Variants in FRK observed in about 807,000 individuals in gnomAD.
FRK encodes the protein tyrosine-protein kinase FRK.
FRK carries 51 observed loss-of-function variants against 56.4 expected under a neutral mutation model. The observed-to-expected ratio is 0.90, with a 90% confidence interval of 0.72 to 1.14. FRK has a LOEUF of 1.14. Ranked by LOEUF, FRK falls within the 50% of genes most tolerant of loss-of-function variation. The probability of loss-of-function intolerance (pLI) is 0.00; values close to 1 mark genes in which losing one functional copy is unlikely to be tolerated. For missense variants in FRK, 570 were observed against 601.4 expected (o/e 0.95, Z 0.55); for synonymous variants, 245 against 217.9 (o/e 1.12, Z -1.10).
intron 2 of FRK, among the ~76,000 whole-genome samples, chr6:115,996,637 T>A (rs903804582): frequency 3.9e-5 from 6 of 152,208 alleles, no homozygotes; most frequent in African/African-American, 1.4e-4. Context: ...AGTGACAATG[T>A]CCTTGATTAT....
intron 1 of FRK, among the ~76,000 whole-genome samples, chr6:116,049,203 G>T (rs1033972442): frequency 6.6e-6 from 1 of 151,910 alleles, no homozygotes; most frequent in Non-Finnish European, 1.5e-5. Flanking sequence ...TCCAAAACTT[G>T]TTCCTGGCTA....
intron 4 of FRK, among the ~76,000 whole-genome samples, chr6:115,956,950 C>G (rs1010864326): frequency 1.3e-5 from 2 of 152,156 alleles, no homozygotes; most frequent in African/African-American, 2.4e-5. Context: ...TCTATGAACA[C>G]GAGCGCTGAA....
chr6:116,082,987 G>C, the FRK span, among the ~76,000 whole-genome samples: 1 of 152,140 alleles, frequency 6.6e-6, no homozygotes, highest in South Asian at 2.1e-4. Context: ...AGAAGATGAG[G>C]AAGTTCAAGG....
intron 1 of FRK, chr6:116,038,844 C>T (rs542247211): frequency 2.7e-5 from 14 of 527,944 alleles, no homozygotes; most frequent in Admixed American, 1.1e-4. Flanking sequence ...ACTCTGAAGG[C>T]GGCCAAGGTG....
At chr6:116,100,606 A>C in the FRK span, among the ~76,000 whole-genome samples, 1 of 152,158 alleles carries the variant, frequency 6.6e-6, no homozygotes, top group African/African-American at 2.4e-5. Context: ...CAGCAGCGGC[A>C]CCGCTCCTGG....
chr6:116,059,985 T>C lies in FRK; in HGVS notation c.327A>G (p.Arg109=). ...YIPSNYVAED[R]SLQAEPWFFG... is the part of the protein sequence containing the mutation. ...CTACTCACGGCTCTGCCTGTAGGCT[T>C]CTGTCCTCAGCCACGTAGTTAGAAG... The change falls in exon 1 of 8, where the codon AGA becomes AGG. Residue 109 remains arginine (R), a synonymous_variant. Coordinates refer to ENST00000606080, the MANE Select transcript of FRK (RefSeq NM_002031.3). 6.2e-7 allele frequency: 1 copy of C among 1,614,076 alleles called. No individual in the cohort carries two copies. Among genetic ancestry groups the C allele is most frequent in the East Asian group, 2.2e-5 (1 of 44,890 alleles).
chr6:116,060,909 T>C (rs1481684661), upstream of FRK, among the ~76,000 whole-genome samples: 1 of 152,182 alleles, frequency 6.6e-6, no homozygotes, highest in African/African-American at 2.4e-5. Context: ...TCCCCTTACT[T>C]CCTGGTTTCT....
rs141331578 is a variant in FRK, at chr6:116,006,430, G to C, written c.345-2432C>G. Among the ~76,000 whole-genome samples the C allele has an allele frequency of 4.6e-3, 696 of 152,306 alleles. 10 individuals are homozygous for C. Among genetic ancestry groups the C allele is most frequent in the African/African-American group, 0.016 (678 of 41,560 alleles). ...GAGCTTTTATACAGTACTAGTGGTA[G>C]TACGATTTGGTACAACTAATTTAAG... On this transcript the variant is annotated intron_variant, in intron 1 of 7. Coordinates refer to ENST00000606080, the MANE Select transcript of FRK (RefSeq NM_002031.3).
chr6:115,967,716 G>A lies in FRK; in HGVS notation c.634C>T (p.Gln212Ter), dbSNP rs1773642135. 3 of 1,589,092 alleles carry A rather than the reference G, an allele frequency of 1.9e-6. No individual in the cohort carries two copies. The highest frequency in any genetic ancestry group is 2.6e-6 in the Non-Finnish European group (3 of 1,166,426). Residue 212 changes from glutamine to a stop codon, truncating the protein, a stop_gained, in exon 4 of 8, where the codon CAG becomes TAG. Coordinates refer to ENST00000606080, the MANE Select transcript of FRK (RefSeq NM_002031.3). LOFTEE classifies it high-confidence loss of function. ...VKLGKPCLKIQVPAPFDLSYK... is the reference protein window; with the variant it reads ...VKLGKPCLKI Reference sequence around the variant, plus strand: ...GACAAATCAAATGGAGCTGGGACCTGGATCTGTTTCATAGAATAATAAGAG... The same window carrying A: ...GACAAATCAAATGGAGCTGGGACCTAGATCTGTTTCATAGAATAATAAGAG...
intron 2 of FRK, among the ~76,000 whole-genome samples, chr6:115,975,807 G>T (rs499921): frequency 0.72 from 109,769 of 152,042 alleles, 39,938 homozygotes; most frequent in South Asian, 0.89. Context: ...CATGTTGTTT[G>T]ACCTAGGGAG....
At chr6:116,026,510 AGGAG>A (rs1224007465) in intron 1 of FRK, among the ~76,000 whole-genome samples, 10 of 82,512 alleles carry the variant, frequency 1.2e-4, no homozygotes, top group South Asian at 5.0e-4. Context: ...GAAGGAAGGA[AGGAG>A]GGAGGGAGGG....
At chr6:116,098,699 CA>C in the FRK span, among the ~76,000 whole-genome samples, 1 of 152,122 alleles carries the variant, frequency 6.6e-6, no homozygotes, top group South Asian at 2.1e-4. Flanking sequence ...GTTGATAATA[CA>C]AGAGCTGTGG....
intron 4 of FRK, 23 bp from the exon 5 acceptor site, chr6:115,956,633 T>A: frequency 6.7e-7 from 1 of 1,499,282 alleles, no homozygotes; most frequent in Non-Finnish European, 8.9e-7. Context: ...GAGGGAGAAA[T>A]CACTTTATGT....
At chr6:116,032,750 T>C (rs1360193337) in intron 1 of FRK, among the ~76,000 whole-genome samples, 1 of 152,108 alleles carries the variant, frequency 6.6e-6, no homozygotes, top group Non-Finnish European at 1.5e-5. Flanking sequence ...ATCTTTGAGA[T>C]GCAGAGAGTA....
the FRK span, among the ~76,000 whole-genome samples, chr6:116,072,530 A>AACACACACACACAC: frequency 6.9e-6 from 1 of 144,872 alleles, no homozygotes; most frequent in African/African-American, 2.6e-5. Context: ...AGGTTAAATA[A>AACACACACACACAC]ACACACACAC....
chr6:116,018,660 G>GT (rs1246306204), intron 1 of FRK, among the ~76,000 whole-genome samples: 2 of 152,130 alleles, frequency 1.3e-5, no homozygotes, highest in Non-Finnish European at 2.9e-5. Context: ...ACAAATATGT[G>GT]TTTTGAGAAA....
At chr6:116,014,361 A>G (rs1411638631) in intron 1 of FRK, among the ~76,000 whole-genome samples, 1 of 152,208 alleles carries the variant, frequency 6.6e-6, no homozygotes, top group Non-Finnish European at 1.5e-5. Context: ...AAATCATTTA[A>G]TCATCAACAG....
the FRK span, among the ~76,000 whole-genome samples, chr6:116,098,131 A>G: frequency 2.3e-5 from 3 of 128,654 alleles, no homozygotes; most frequent in Non-Finnish European, 3.2e-5. Context: ...TTTTTTTAAA[A>G]GACAGGGTCT....
At chr6:116,080,110 CATT>C in the FRK span, among the ~76,000 whole-genome samples, 2 of 152,144 alleles carry the variant, frequency 1.3e-5, no homozygotes, top group South Asian at 4.2e-4. Flanking sequence ...TAGCATAAAA[CATT>C]AGAAGAAAAT....
Sources: allele counts gnomAD v4.1 joint callset (sites outside exome capture counted in the v4.1 genomes callset), GRCh38; gene constraint gnomAD v4.1.1; transcripts MANE v1.5; gene names NCBI Gene and HGNC (gene_info 2026-07-23, HGNC 2026-07-21).